Variants in PPM1L observed in about 807,000 individuals in gnomAD.
PPM1L encodes protein phosphatase, Mg2+/Mn2+ dependent 1L, also known as protein phosphatase 1L.
Under a neutral mutation model 31.4 loss-of-function variants are expected in PPM1L, and 13 were observed. That is an observed-to-expected ratio of 0.41 (90% CI 0.27 to 0.66). The LOEUF is 0.66. Among genes scored for constraint, PPM1L ranks in the 30% least tolerant of loss-of-function variants. The pLI is 0.29. For synonymous variants in PPM1L, 184 were observed against 175.4 expected, an observed-to-expected ratio of 1.05 and a Z score of -0.39; for missense variants, 326 against 453.7, an observed-to-expected ratio of 0.72 and a Z score of 2.56.
intron 2 of PPM1L, among the ~76,000 whole-genome samples, chr3:160,984,807 C>T (rs568268270): frequency 6.6e-6 from 1 of 152,134 alleles, no homozygotes; most frequent in Non-Finnish European, 1.5e-5. Context: ...CTTTCCTTTA[C>T]AAGCAGTGGT....
At chr3:160,976,605 G>T (rs979992442) in intron 2 of PPM1L, among the ~76,000 whole-genome samples, 1 of 151,884 alleles carries the variant, frequency 6.6e-6, no homozygotes, top group African/African-American at 2.4e-5. Context: ...AGTCTTGGGA[G>T]AGTGTATGTG....
At chr3:160,903,194 G>GTGTGTGTGTGTGTGTGT (rs1553819647) in intron 1 of PPM1L, among the ~76,000 whole-genome samples, 4,817 of 95,296 alleles carry the variant, frequency 0.051, 218 homozygotes, top group East Asian at 0.11. Flanking sequence ...TGTGTGTGTG[G>GTGTGTGTGTGTGTGTGT]TATGTGTGTA....
At chr3:160,776,110 A>G (rs1711552964) in intron 1 of PPM1L, among the ~76,000 whole-genome samples, 1 of 152,248 alleles carries the variant, frequency 6.6e-6, no homozygotes, top group Non-Finnish European at 1.5e-5. Context: ...TGTTTCTTCT[A>G]CATTAACTAT....
chr3:160,862,676 A>G (rs1249906789), intron 1 of PPM1L, among the ~76,000 whole-genome samples: 5 of 141,210 alleles, frequency 3.5e-5, no homozygotes, highest in East Asian at 2.1e-4. Context: ...ACACACACAC[A>G]CACACACACA....
intron 1 of PPM1L, among the ~76,000 whole-genome samples, chr3:160,912,179 C>A (rs1397781316): frequency 2.0e-5 from 3 of 152,160 alleles, no homozygotes; most frequent in Non-Finnish European, 4.4e-5. Context: ...GGTATGTAAT[C>A]TGCAAGCTCC....
chr3:160,817,499 A>G (rs1318473058), intron 1 of PPM1L, among the ~76,000 whole-genome samples: 2 of 152,154 alleles, frequency 1.3e-5, no homozygotes, highest in East Asian at 3.8e-4. Context: ...GAATTTTTAC[A>G]CGGCGCCTAC....
At chr3:160,925,533 G>A (rs1336767499) in intron 1 of PPM1L, among the ~76,000 whole-genome samples, 1 of 152,004 alleles carries the variant, frequency 6.6e-6, no homozygotes, top group Non-Finnish European at 1.5e-5. Flanking sequence ...GTGAGTCCTC[G>A]TGTTCTCAGG....
chr3:160,906,640 C>A (rs1470606859), intron 1 of PPM1L, among the ~76,000 whole-genome samples: 1 of 129,536 alleles, frequency 7.7e-6, no homozygotes, highest in African/African-American at 3.7e-5. Flanking sequence ...AGAACCCAGG[C>A]ACAATTTACC....
chr3:160,778,149 TC>T (rs765648541), intron 1 of PPM1L, among the ~76,000 whole-genome samples: 37 of 152,206 alleles, frequency 2.4e-4, no homozygotes, highest in Non-Finnish European at 4.6e-4. Context: ...TTATTGGCCA[TC>T]ATTTTATATG....
At chr3:160,800,964 G>C (rs943051403) in intron 1 of PPM1L, among the ~76,000 whole-genome samples, 1 of 152,110 alleles carries the variant, frequency 6.6e-6, no homozygotes, top group African/African-American at 2.4e-5. Flanking sequence ...AAATAAGACT[G>C]CATAAAGTTT....
At chr3:160,766,498 C>T (rs552630166) in intron 1 of PPM1L, among the ~76,000 whole-genome samples, 4 of 152,008 alleles carry the variant, frequency 2.6e-5, no homozygotes, top group African/African-American at 9.6e-5. Flanking sequence ...GGGGCTTTTC[C>T]CCTCTTTCCA....
chr3:161,023,753 C>T (rs1005902846), intron 2 of PPM1L, among the ~76,000 whole-genome samples: 6 of 152,012 alleles, frequency 3.9e-5, no homozygotes, highest in Non-Finnish European at 5.9e-5. Flanking sequence ...GGGGTAGTTT[C>T]TACTATTAGT....
At chr3:160,902,032 G>A (rs1307689107) in intron 1 of PPM1L, among the ~76,000 whole-genome samples, 2 of 152,024 alleles carry the variant, frequency 1.3e-5, no homozygotes, top group Non-Finnish European at 2.9e-5. Context: ...GGATTTTTGA[G>A]AAGGATGGGA....
intron 2 of PPM1L, among the ~76,000 whole-genome samples, chr3:161,007,377 A>T (rs1365947085): frequency 6.6e-6 from 1 of 152,230 alleles, no homozygotes; most frequent in Non-Finnish European, 1.5e-5. Flanking sequence ...AGTGTGTTTC[A>T]CATAGAGGGA....
At chr3:160,760,604 T>TTA (rs138124592) in intron 1 of PPM1L, among the ~76,000 whole-genome samples, 2,506 of 152,270 alleles carry the variant, frequency 0.016, 62 homozygotes, top group African/African-American at 0.057. Flanking sequence ...AAGGAGCTCG[T>TTA]TATATAAATT....
intron 1 of PPM1L, among the ~76,000 whole-genome samples, chr3:160,765,857 T>C (rs749437407): frequency 3.5e-4 from 54 of 152,232 alleles, no homozygotes; most frequent in Non-Finnish European, 1.8e-4. Flanking sequence ...AGTTTCCTAT[T>C]GCATATATTG....
chr3:160,900,936 G>A (rs1042466726), intron 1 of PPM1L, among the ~76,000 whole-genome samples: 1 of 152,046 alleles, frequency 6.6e-6, no homozygotes, highest in Admixed American at 6.6e-5. Context: ...GTAGCAACTG[G>A]CAAATGATTA....
At chr3:161,049,273 G>GTCTCAAAAAAAAAACCAAAA (rs1332686157) in intron 2 of PPM1L, among the ~76,000 whole-genome samples, 1 of 150,724 alleles carries the variant, frequency 6.6e-6, no homozygotes, top group Non-Finnish European at 1.5e-5. Flanking sequence ...GTGAGATCCT[G>GTCTCAAAAAAAAAACCAAAA]TCTCAAAAAA....
chr3:160,995,964 A>T lies in PPM1L; in HGVS notation c.574+34054A>T, dbSNP rs115964747. Among the ~76,000 whole-genome samples the T allele has an allele frequency of 3.2e-3, 482 of 152,354 alleles. 4 individuals carry two copies. Among genetic ancestry groups the T allele is most frequent in the African/African-American group, 0.011 (461 of 41,578 alleles). On this transcript the variant is annotated intron_variant, in intron 2 of 3. Transcript: ENST00000498165. ...ATATTCAACTTGGACTGAATTAACC[A>T]AGAAGTGGGCTAAGGACATGAATAG...
Sources: allele counts gnomAD v4.1 joint callset (sites outside exome capture counted in the v4.1 genomes callset), GRCh38; gene constraint gnomAD v4.1.1; transcripts MANE v1.5; gene names NCBI Gene and HGNC (gene_info 2026-07-23, HGNC 2026-07-21).